RTKN2: variants seen among roughly 807,000 people sequenced by gnomAD.
RTKN2 encodes the protein rhotekin-2.
RTKN2 carries 69 observed loss-of-function variants against 71.5 expected under a neutral mutation model. The observed-to-expected ratio is 0.96, with a 90% CI of 0.79 to 1.18. The LOEUF is 1.18. Ranked by LOEUF, RTKN2 falls within the 50% of genes most tolerant of loss-of-function variation. The pLI, the probability that RTKN2 is intolerant of heterozygous loss-of-function variation, is 0.00. For synonymous variants in RTKN2, 236 were observed against 236.5 expected, an observed-to-expected ratio of 1.00 and a Z score of 0.02; for missense variants, 724 against 719.7, an observed-to-expected ratio of 1.01 and a Z score of -0.07.
At chr10:62,258,287 G>A (rs1452303765) in intron 2 of RTKN2, among the ~76,000 whole-genome samples, 10 of 152,106 alleles carry the variant, frequency 6.6e-5, no homozygotes, top group Non-Finnish European at 1.0e-4. Context: ...CCTGGAACCC[G>A]AGTTTTAAAA....
At chr10:62,247,838 G>A (rs753686121) in intron 2 of RTKN2, among the ~76,000 whole-genome samples, 1 of 151,950 alleles carries the variant, frequency 6.6e-6, no homozygotes, top group African/African-American at 2.4e-5. Context: ...ATGCCTATAT[G>A]AGCAATGCAT....
At chr10:62,234,782 G>C (rs1043275125) in intron 6 of RTKN2, among the ~76,000 whole-genome samples, 1 of 152,038 alleles carries the variant, frequency 6.6e-6, no homozygotes, top group Non-Finnish European at 1.5e-5. Flanking sequence ...AATAATAAAT[G>C]ATTATCCTTG....
chr10:62,243,543 G>A (rs1842421951), intron 3 of RTKN2, among the ~76,000 whole-genome samples: 1 of 152,084 alleles, frequency 6.6e-6, no homozygotes, highest in South Asian at 2.1e-4. Context: ...CCCACAACCT[G>A]TGGGTCAGCC....
intron 7 of RTKN2, among the ~76,000 whole-genome samples, chr10:62,219,354 C>T (rs151162212): frequency 8.5e-4 from 129 of 152,182 alleles, no homozygotes; most frequent in African/African-American, 3.0e-3. Flanking sequence ...AACATTAGAG[C>T]CCAATGAATG....
downstream of RTKN2, among the ~76,000 whole-genome samples, chr10:62,192,857 T>G (rs1841245106): frequency 6.6e-6 from 1 of 152,180 alleles, no homozygotes; most frequent in Admixed American, 6.5e-5. Flanking sequence ...ATTTGAAATT[T>G]TTATTCTGCT....
intron 7 of RTKN2, among the ~76,000 whole-genome samples, chr10:62,219,587 A>G (rs937512767): frequency 6.6e-6 from 1 of 152,102 alleles, no homozygotes; most frequent in African/African-American, 2.4e-5. Flanking sequence ...AATATGTATT[A>G]ATACATTTTG....
chr10:62,241,006 A>G (rs1003554564), intron 4 of RTKN2, 136 bp downstream of exon 4: 100 of 569,056 alleles, frequency 1.8e-4, no homozygotes, highest in Non-Finnish European at 2.9e-4. Flanking sequence ...TAAAAATCAG[A>G]AAACAGTTCA....
chr10:62,232,735 A>C (rs985014256), intron 6 of RTKN2, among the ~76,000 whole-genome samples: 9 of 152,144 alleles, frequency 5.9e-5, no homozygotes, highest in Non-Finnish European at 1.2e-4. Context: ...TGAGTTTAAA[A>C]AAAAAAGCCC....
At position 62,187,242 on chromosome 10, in the gene RTKN2, G is replaced by C. The variant is rs183780928; in HGVS notation, c.862-2855C>G. On this transcript the variant is annotated intron_variant, in intron 8 of 8. Coordinates refer to the RTKN2 transcript ENST00000315289. Reference sequence around the variant, plus strand: ...TGACGGCAGCTTTGTTCTTGTAAGTGACTATTTAAGGAACACTTTTGGCAT... The same window carrying C: ...TGACGGCAGCTTTGTTCTTGTAAGTCACTATTTAAGGAACACTTTTGGCAT... 8.2e-3 allele frequency among the ~76,000 whole-genome samples: 1,231 copies of C among 149,300 alleles called. 22 individuals are homozygous for C. Among genetic ancestry groups the C allele is most frequent in the African/African-American group, 0.029 (1,177 of 40,116 alleles).
rs1463834374 is a variant in RTKN2 at position 62,197,853 on chromosome 10, T to C, written c.*55A>G. The C allele has an allele frequency of 1.3e-6, 2 of 1,522,486 alleles. No individual in the cohort carries two copies. The highest frequency in any genetic ancestry group is 2.2e-5 in the Admixed American group (1 of 45,840). The allele number at this position is 1,522,486 out of a possible 1,614,324, so 94.3% of individuals were successfully genotyped here. A position where few individuals can be genotyped will look rare whatever the true frequency, so the allele number is the denominator to read the frequency against. On this transcript the variant is annotated 3_prime_UTR_variant, in exon 12 of 12. Coordinates refer to ENST00000373789, the MANE Select transcript of RTKN2 (RefSeq NM_145307.4). ...ATTACACATTATTCTATAATGCCTC[T>C]GAATTAAGCTTCACAGTTATAGATT...
At chr10:62,244,884 C>T (rs1842448447) in intron 3 of RTKN2, among the ~76,000 whole-genome samples, 1 of 152,134 alleles carries the variant, frequency 6.6e-6, no homozygotes, top group African/African-American at 2.4e-5. Context: ...TGTAGGTCTA[C>T]CGTCCTGTGT....
At chr10:62,200,509 T>C (rs913833822) in intron 10 of RTKN2, among the ~76,000 whole-genome samples, 1 of 151,968 alleles carries the variant, frequency 6.6e-6, no homozygotes, top group Non-Finnish European at 1.5e-5. Flanking sequence ...ATTGCAAAAG[T>C]TTGGGAAGGG....
chr10:62,255,689 C>T (rs924252460), intron 2 of RTKN2, among the ~76,000 whole-genome samples: 6 of 152,150 alleles, frequency 3.9e-5, no homozygotes, highest in African/African-American at 1.4e-4. Context: ...CACCCAATTC[C>T]AACACCCCAC....
intron 6 of RTKN2, among the ~76,000 whole-genome samples, chr10:62,223,797 G>A (rs1257644648): frequency 6.6e-6 from 1 of 152,128 alleles, no homozygotes; most frequent in African/African-American, 2.4e-5. Flanking sequence ...TAAAATTACT[G>A]ATCCAGCAAT....
At chr10:62,209,139 A>C (rs574837405) in intron 9 of RTKN2, among the ~76,000 whole-genome samples, 1 of 152,156 alleles carries the variant, frequency 6.6e-6, no homozygotes, top group South Asian at 2.1e-4. Context: ...GTGGTGGCGC[A>C]TGCCTGTAAT....
intron 6 of RTKN2, among the ~76,000 whole-genome samples, chr10:62,228,664 A>G (rs1240694068): frequency 2.0e-5 from 3 of 152,172 alleles, no homozygotes; most frequent in Non-Finnish European, 2.9e-5. Context: ...TTGGTGATGT[A>G]GGATAGGTGG....
intron 6 of RTKN2, among the ~76,000 whole-genome samples, chr10:62,235,847 A>G (rs1842246807): frequency 6.6e-6 from 1 of 152,106 alleles, no homozygotes. Flanking sequence ...TTCAACTTGT[A>G]TTAGAATTCC....
chr10:62,256,807 T>TA, intron 2 of RTKN2, among the ~76,000 whole-genome samples: 2 of 152,288 alleles, frequency 1.3e-5, no homozygotes, highest in East Asian at 1.9e-4. Context: ...TTGATTGTAC[T>TA]ATTCTTGTAA....
At chr10:62,199,645 A>T in intron 11 of RTKN2, 109 bp downstream of exon 11, 1 of 591,456 alleles carries the variant, frequency 1.7e-6, no homozygotes. Flanking sequence ...ATTTATTTTG[A>T]TTGTGCCCTG....
Sources: gnomAD v4.1 joint callset for allele counts (sites outside exome capture counted in the v4.1 genomes callset) on GRCh38, gnomAD v4.1.1 for gene constraint, MANE v1.5 for transcripts, NCBI Gene and HGNC (gene_info 2026-07-23, HGNC 2026-07-21) for gene names.